TMCC1: variants seen among roughly 807,000 people sequenced by gnomAD.
TMCC1 encodes the protein transmembrane and coiled-coil domains protein 1.
A neutral mutation model predicts 52.4 loss-of-function variants in TMCC1; 15 were observed. That is an observed-to-expected ratio of 0.29 (90% confidence interval 0.19 to 0.44). The LOEUF (loss-of-function observed/expected upper bound fraction) is 0.44, where lower values mean the gene tolerates loss of function less well. Ranked by LOEUF, TMCC1 falls within the 20% of genes least tolerant of loss-of-function variation. TMCC1 has a pLI of 1.00. For missense variants in TMCC1, 503 were observed against 806.0 expected, an observed-to-expected ratio of 0.62 and a Z score of 4.55; for synonymous variants, 279 against 301.9, an observed-to-expected ratio of 0.92 and a Z score of 0.79.
chr3:129,666,063 G>A (rs1316810271), intron 5 of TMCC1, among the ~76,000 whole-genome samples: 1 of 152,110 alleles, frequency 6.6e-6, no homozygotes, highest in Non-Finnish European at 1.5e-5. Flanking sequence ...GAGCATCCAC[G>A]CATGCATTAA....
intron 4 of TMCC1, among the ~76,000 whole-genome samples, chr3:129,792,933 T>C (rs1403218422): frequency 6.6e-6 from 1 of 152,144 alleles, no homozygotes; most frequent in Non-Finnish European, 1.5e-5. Flanking sequence ...TAAAAAATAA[T>C]TGGGAGAGAA....
chr3:129,690,478 A>G (rs1164460998), intron 4 of TMCC1, among the ~76,000 whole-genome samples: 1 of 152,168 alleles, frequency 6.6e-6, no homozygotes, highest in Non-Finnish European at 1.5e-5. Flanking sequence ...AATTGTTGGC[A>G]CTCACTGATA....
intron 4 of TMCC1, among the ~76,000 whole-genome samples, chr3:129,673,939 T>C (rs1215850214): frequency 6.6e-6 from 1 of 152,180 alleles, no homozygotes; most frequent in Non-Finnish European, 1.5e-5. Flanking sequence ...CATAAGACTA[T>C]AATACCAGAT....
chr3:129,878,149 A>C (rs1243614366), intron 2 of TMCC1, among the ~76,000 whole-genome samples: 2 of 149,242 alleles, frequency 1.3e-5, no homozygotes, highest in Admixed American at 1.3e-4. Flanking sequence ...TTTTTAGTAG[A>C]GATGGGGTTT....
intron 4 of TMCC1, among the ~76,000 whole-genome samples, chr3:129,792,233 CATTTT>C (rs1296991656): frequency 1.3e-5 from 2 of 150,842 alleles, no homozygotes; most frequent in African/African-American, 2.4e-5. Context: ...AAAACGATTT[CATTTT>C]GAGTGTTCAA....
intron 2 of TMCC1, among the ~76,000 whole-genome samples, chr3:129,874,218 A>G (rs1231300257): frequency 1.3e-5 from 2 of 152,252 alleles, no homozygotes; most frequent in Non-Finnish European, 2.9e-5. Flanking sequence ...AACTTCTTTT[A>G]GACTCATATT....
intron 2 of TMCC1, among the ~76,000 whole-genome samples, chr3:129,842,092 T>A (rs2107870655): frequency 6.6e-6 from 1 of 152,338 alleles, no homozygotes; most frequent in Non-Finnish European, 1.5e-5. Flanking sequence ...GCAAAACTGA[T>A]AGGTATGACA....
intron 2 of TMCC1, chr3:129,867,197 C>CTA (rs2060693622): frequency 6.6e-6 from 1 of 152,084 alleles, no homozygotes; most frequent in Non-Finnish European, 1.5e-5. Context: ...TTACTCAAAA[C>CTA]TAAGCTTGTC....
intron 4 of TMCC1, among the ~76,000 whole-genome samples, chr3:129,683,667 A>G (rs937116267): frequency 7.9e-5 from 12 of 152,168 alleles, no homozygotes; most frequent in African/African-American, 2.9e-4. Context: ...CTGGGCTTTT[A>G]GTATACCTAT....
intron 4 of TMCC1, among the ~76,000 whole-genome samples, chr3:129,784,579 T>A (rs1261220585): frequency 3.4e-5 from 5 of 145,542 alleles, no homozygotes; most frequent in Admixed American, 1.4e-4. Flanking sequence ...AAAAAAAAAA[T>A]TATAAAAATA....
rs1322960116 is a variant in TMCC1, at chr3:129,648,410, G to A, written c.*3071C>T. The A allele has an allele frequency of 1.3e-5, 2 of 152,230 alleles. No individual in the cohort carries two copies. Among genetic ancestry groups the A allele is most frequent in the Admixed American group, 6.5e-5 (1 of 15,292 alleles). The allele number at this position is 152,230 out of a possible 1,614,324, so 9.4% of individuals were successfully genotyped here. On this transcript the variant is annotated 3_prime_UTR_variant, in exon 7 of 7. Coordinates refer to ENST00000393238, the MANE Select transcript of TMCC1 (RefSeq NM_001017395.5). ...TCCATTCAGAACAGGGGAGAGAGAAGACCCTAGTCAGTGAAGTATAAAATT... is the reference window on the plus strand; with the variant it reads ...TCCATTCAGAACAGGGGAGAGAGAAAACCCTAGTCAGTGAAGTATAAAATT...
At chr3:129,706,163 T>C (rs1201502105) in intron 4 of TMCC1, among the ~76,000 whole-genome samples, 1 of 150,714 alleles carries the variant, frequency 6.6e-6, no homozygotes, top group Admixed American at 6.6e-5. Flanking sequence ...AGTATTGGGA[T>C]ACAGGCGTGA....
At chr3:129,750,352 G>C (rs1175635530) in intron 4 of TMCC1, among the ~76,000 whole-genome samples, 1 of 151,906 alleles carries the variant, frequency 6.6e-6, no homozygotes, top group African/African-American at 2.4e-5. Flanking sequence ...CACCACGCCT[G>C]GCTAATTTTT....
chr3:129,782,498 T>C (rs1210503409), intron 4 of TMCC1, among the ~76,000 whole-genome samples: 1 of 152,162 alleles, frequency 6.6e-6, no homozygotes, highest in African/African-American at 2.4e-5. Context: ...TTGGCAAAAG[T>C]ATATTTGGGA....
chr3:129,773,513 TTTAATTTATAA>T (rs2054781818), intron 4 of TMCC1, among the ~76,000 whole-genome samples: 1 of 152,176 alleles, frequency 6.6e-6, no homozygotes, highest in Non-Finnish European at 1.5e-5. Flanking sequence ...AAATGCTCTA[TTTAATTTATAA>T]AGCCAAATTT....
At chr3:129,657,979 T>C (rs532928658) in intron 5 of TMCC1, among the ~76,000 whole-genome samples, 147 of 152,340 alleles carry the variant, frequency 9.6e-4, no homozygotes, top group African/African-American at 3.3e-3. Flanking sequence ...TTAATCATCA[T>C]TGCCAAAAAG....
At chr3:129,795,269 T>C (rs1291366720) in intron 4 of TMCC1, among the ~76,000 whole-genome samples, 2 of 152,206 alleles carry the variant, frequency 1.3e-5, no homozygotes, top group African/African-American at 4.8e-5. Context: ...GAAAAATAAC[T>C]GTAAGAGCAG....
chr3:129,887,806 T>C (rs748039083), intron 1 of TMCC1, among the ~76,000 whole-genome samples: 1 of 152,178 alleles, frequency 6.6e-6, no homozygotes, highest in African/African-American at 2.4e-5. Flanking sequence ...ATCTGTATGA[T>C]ACTGTAATGT....
chr3:129,720,257 T>C (rs2049464252), intron 4 of TMCC1, among the ~76,000 whole-genome samples: 1 of 151,988 alleles, frequency 6.6e-6, no homozygotes, highest in African/African-American at 2.4e-5. Flanking sequence ...TGGTCTTGCT[T>C]TGGCCAAGTG....
Sources: allele counts gnomAD v4.1 joint callset (sites outside exome capture counted in the v4.1 genomes callset), GRCh38; gene constraint gnomAD v4.1.1; transcripts MANE v1.5; gene names NCBI Gene and HGNC (gene_info 2026-07-23, HGNC 2026-07-21).